FAM135A: variants seen among roughly 807,000 people sequenced by gnomAD.
The protein encoded by FAM135A is protein FAM135A.
In FAM135A, 79 loss-of-function variants were observed where a neutral mutation model predicts 146.8. That is an observed-to-expected ratio of 0.54 (90% CI 0.45 to 0.65). The LOEUF is 0.65. Ranked by LOEUF, FAM135A falls within the 30% of genes least tolerant of loss-of-function variation. The probability of loss-of-function intolerance (pLI) is 0.00; values close to 1 mark genes in which losing one functional copy is unlikely to be tolerated. For synonymous variants in FAM135A, 562 were observed against 603.6 expected (o/e 0.93, Z 1.01); for missense variants, 1,623 against 1,758.2 (o/e 0.92, Z 1.38).
chr6:70,530,663 G>A (rs1336503226), intron 16 of FAM135A, among the ~76,000 whole-genome samples: 4 of 152,138 alleles, frequency 2.6e-5, no homozygotes, highest in African/African-American at 9.7e-5. Flanking sequence ...TGAAGCAGGA[G>A]AATCACTTGA....
chr6:70,512,795 G>GTACAATTT (rs1791323053), intron 12 of FAM135A, among the ~76,000 whole-genome samples: 1 of 151,692 alleles, frequency 6.6e-6, no homozygotes, highest in Non-Finnish European at 1.5e-5. Context: ...ATGAGACTAA[G>GTACAATTT]TACAATTTAT....
At chr6:70,514,763 G>A (rs1791815423) in intron 12 of FAM135A, among the ~76,000 whole-genome samples, 1 of 152,212 alleles carries the variant, frequency 6.6e-6, no homozygotes, top group African/African-American at 2.4e-5. Context: ...TGGCAGGGGT[G>A]AGGGAGGTCT....
At chr6:70,521,857 A>T (rs759025732) in intron 12 of FAM135A, among the ~76,000 whole-genome samples, 5 of 152,336 alleles carry the variant, frequency 3.3e-5, no homozygotes, top group Non-Finnish European at 5.9e-5. Context: ...ATTCTGTAAT[A>T]TGCCAAGATA....
chr6:70,440,854 A>G (rs1774301934), intron 4 of FAM135A, among the ~76,000 whole-genome samples: 1 of 152,176 alleles, frequency 6.6e-6, no homozygotes, highest in South Asian at 2.1e-4. Context: ...AAATGGAGAT[A>G]TCCAAATTCT....
intron 8 of FAM135A, among the ~76,000 whole-genome samples, chr6:70,478,757 T>C (rs1783114508): frequency 1.3e-5 from 2 of 152,140 alleles, no homozygotes; most frequent in Admixed American, 6.6e-5. Context: ...GTAGTTTTGC[T>C]GTCTTTTTCT....
intron 4 of FAM135A, among the ~76,000 whole-genome samples, chr6:70,450,169 G>C (rs779329194): frequency 6.6e-6 from 1 of 152,114 alleles, no homozygotes; most frequent in Non-Finnish European, 1.5e-5. Context: ...TTCCTTATCA[G>C]ATGTATGGTT....
intron 12 of FAM135A, among the ~76,000 whole-genome samples, chr6:70,521,739 A>G (rs1327574138): frequency 1.3e-5 from 2 of 152,232 alleles, no homozygotes; most frequent in African/African-American, 4.8e-5. Flanking sequence ...ATTTTGCTCC[A>G]GTAGCTGACA....
chr6:70,441,979 C>T (rs1269618434), intron 4 of FAM135A, among the ~76,000 whole-genome samples: 3 of 152,066 alleles, frequency 2.0e-5, no homozygotes, highest in Non-Finnish European at 1.5e-5. Flanking sequence ...CACCATGCTC[C>T]ACCACAAATA....
chr6:70,549,707 A>G (rs901733251), intron 20 of FAM135A, among the ~76,000 whole-genome samples: 5 of 152,194 alleles, frequency 3.3e-5, no homozygotes, highest in Admixed American at 1.3e-4. Context: ...GTTTTTGCCA[A>G]TCAGGGTGGT....
intron 2 of FAM135A, among the ~76,000 whole-genome samples, chr6:70,423,310 G>A (rs1434601263): frequency 1.3e-5 from 2 of 152,206 alleles, no homozygotes; most frequent in Non-Finnish European, 2.9e-5. Flanking sequence ...GAACAGAGGA[G>A]AGAGACAAAA....
chr6:70,469,626 A>T (rs1350202571), intron 5 of FAM135A, among the ~76,000 whole-genome samples: 1 of 152,216 alleles, frequency 6.6e-6, no homozygotes, highest in Non-Finnish European at 1.5e-5. Flanking sequence ...AGTAAGTGGC[A>T]GAACCAGGAC....
intron 5 of FAM135A, among the ~76,000 whole-genome samples, chr6:70,456,101 C>T (rs1405392569): frequency 3.9e-5 from 6 of 152,184 alleles, no homozygotes; most frequent in African/African-American, 7.2e-5. Context: ...CCACCCGCCT[C>T]GGCTGCGCCC....
rs1318596594 is a variant in FAM135A, at chr6:70,526,595, A to G, written c.3511A>G (p.Lys1171Glu). The G allele has an allele frequency of 1.2e-6, 2 of 1,613,604 alleles. No individual in the cohort carries two copies. The highest frequency in any genetic ancestry group is 1.1e-5 in the South Asian group (1 of 91,048). The change falls in exon 15 of 22, where the codon AAA becomes GAA. Residue 1171 changes from lysine to glutamate, a missense_variant. Physicochemically the swap from Lys to Glu is moderately conservative, Grantham distance 56 (BLOSUM62 1). Transcript: ENST00000418814. ...ESPCNVKYSSKSKFDAITKQP... is the reference protein window; with the variant it reads ...ESPCNVKYSSESKFDAITKQP... ...TCCTTGTAATGTTAAATATTCTTCC[A>G]AAAGTAAATTTGATGCCATTACAAA...
chr6:70,468,785 C>G (rs1422661954), intron 5 of FAM135A, among the ~76,000 whole-genome samples: 1 of 152,190 alleles, frequency 6.6e-6, no homozygotes, highest in Non-Finnish European at 1.5e-5. Flanking sequence ...GATCTCTGCA[C>G]TTAGTATTCA....
rs770194143 is a variant in FAM135A, at chr6:70,524,098, G to A, written c.1235G>A (p.Arg412Lys). 4.3e-6 allele frequency: 7 copies of A among 1,611,270 alleles called. No homozygotes were observed. The highest frequency in any genetic ancestry group is 1.3e-5 in the African/African-American group (1 of 74,876). Residue 412 changes from arginine (R) to lysine (K), a missense_variant, in exon 14 of 22, where the codon AGG becomes AAG. Arg to Lys is a conservative substitution (Grantham distance 26, BLOSUM62 2). This residue lies in a region of FAM135A where 1,061 missense variants were observed against 1,113.8 expected (regional missense o/e 0.95). Transcript: ENST00000418814. ...LNSLPIIFED[R>K]YLDSVTEDLD... ...TCATTACCTATAATCTTTGAAGATA[G>A]GTATTTAGATTCAGTTACTGAAGGT...
chr6:70,538,744 CA>C (rs1403217268), intron 20 of FAM135A, among the ~76,000 whole-genome samples: 12 of 150,490 alleles, frequency 8.0e-5, no homozygotes, highest in Non-Finnish European at 1.6e-4. Context: ...AGCTGTCTCC[CA>C]CCCCAATCCT....
intron 7 of FAM135A, among the ~76,000 whole-genome samples, chr6:70,476,803 G>A (rs549895161): frequency 5.3e-5 from 8 of 152,102 alleles, no homozygotes; most frequent in Middle Eastern, 6.9e-3. Flanking sequence ...TATTATAATA[G>A]TATTTGACCT....
At chr6:70,457,832 CAAAT>C (rs562375725) in intron 5 of FAM135A, among the ~76,000 whole-genome samples, 91 of 152,140 alleles carry the variant, frequency 6.0e-4, no homozygotes, top group African/African-American at 2.0e-3. Flanking sequence ...CAGAAATGCC[CAAAT>C]AGAGTACCTT....
intron 10 of FAM135A, among the ~76,000 whole-genome samples, chr6:70,488,445 G>T (rs73482580): frequency 0.049 from 6,980 of 141,480 alleles, 362 homozygotes; most frequent in African/African-American, 0.12. Context: ...CTGTAACCTT[G>T]GATTAGTAAT....
Sources: allele counts gnomAD v4.1 joint callset (sites outside exome capture counted in the v4.1 genomes callset), GRCh38; gene constraint gnomAD v4.1.1; regional missense constraint gnomAD v4.1.1; transcripts MANE v1.5; gene names NCBI Gene and HGNC (gene_info 2026-07-23, HGNC 2026-07-21).